PDE4B: variants seen among roughly 807,000 people sequenced by gnomAD.
PDE4B encodes the protein 3',5'-cyclic-AMP phosphodiesterase 4B.
PDE4B carries 20 observed loss-of-function variants against 82.2 expected under a neutral mutation model. The ratio of observed to expected loss-of-function variants is 0.24; its 90% CI spans 0.17 to 0.35. The LOEUF is 0.35. Among genes scored for constraint, PDE4B ranks in the 10% least tolerant of loss-of-function variants. The pLI is 1.00. For synonymous variants in PDE4B, 320 were observed against 318.9 expected, an observed-to-expected ratio of 1.00 and a Z score of -0.04; for missense variants, 655 against 907.2, an observed-to-expected ratio of 0.72 and a Z score of 3.57.
At chr1:66,275,518 G>A (rs970668194) in intron 7 of PDE4B, among the ~76,000 whole-genome samples, 1 of 152,186 alleles carries the variant, frequency 6.6e-6, no homozygotes, top group African/African-American at 2.4e-5. Flanking sequence ...CTCTTTATTG[G>A]AAGGGAGGGA....
intron 7 of PDE4B, among the ~76,000 whole-genome samples, chr1:66,287,128 A>G (rs940959590): frequency 6.6e-6 from 1 of 152,170 alleles, no homozygotes; most frequent in African/African-American, 2.4e-5. Context: ...ACACATTTAC[A>G]TATTAACTAA....
chr1:66,345,755 T>C (rs896195692), intron 8 of PDE4B, among the ~76,000 whole-genome samples: 4 of 152,158 alleles, frequency 2.6e-5, no homozygotes, highest in African/African-American at 9.7e-5. Flanking sequence ...CCATGCCTAA[T>C]TCCAGCTTTC....
chr1:66,141,327 AATATATATATATATATATATATAT>A (rs71058454), intron 3 of PDE4B, among the ~76,000 whole-genome samples: 45 of 91,456 alleles, frequency 4.9e-4, no homozygotes, highest in South Asian at 2.6e-3. Context: ...AAGCTTTGAG[AATATATATATATATATATATATAT>A]ATATATATAT....
intron 3 of PDE4B, among the ~76,000 whole-genome samples, chr1:66,027,261 T>A (rs1653495293): frequency 6.6e-6 from 1 of 151,622 alleles, no homozygotes; most frequent in South Asian, 2.1e-4. Flanking sequence ...AAGAGAAAAA[T>A]GAGGAAGAAG....
chr1:65,966,281 G>A (rs1280333253), intron 3 of PDE4B, among the ~76,000 whole-genome samples: 2 of 152,108 alleles, frequency 1.3e-5, no homozygotes, highest in Non-Finnish European at 2.9e-5. Context: ...CAAATCATGA[G>A]TGAACTCCCA....
chr1:66,329,794 T>C (rs1659982993), intron 7 of PDE4B, among the ~76,000 whole-genome samples: 1 of 152,230 alleles, frequency 6.6e-6, no homozygotes, highest in African/African-American at 2.4e-5. Flanking sequence ...CAGTAAGTGG[T>C]AGAAGAGAAA....
Position 66,361,753 on chromosome 1 carries a change from G to C in PDE4B, c.980G>C (p.Arg327Pro). The change falls in exon 10 of 17, where the codon CGC becomes CCC. Residue 327 changes from arginine (R) to proline (P), a missense_variant. By Grantham distance (103) the Arg-to-Pro change is moderately radical. Transcript: ENST00000341517. ...AGCCTAAACAATACAAGCATCTCACGCTTTGGAGTCAACACTGAAAATGAA... is the reference window on the plus strand; with the variant it reads ...AGCCTAAACAATACAAGCATCTCACCCTTTGGAGTCAACACTGAAAATGAA... ...SSSLNNTSIS[R>P]FGVNTENEDH... The C allele has an allele frequency of 1.2e-6, 2 of 1,613,030 alleles. No homozygotes were observed. Among genetic ancestry groups the C allele is most frequent in the Non-Finnish European group, 1.7e-6 (2 of 1,179,306 alleles).
At position 66,118,940 on chromosome 1, in the gene PDE4B, G is replaced by T. The variant is rs142661317; in HGVS notation, c.282-128520G>T. ...TTACCGCTTTGAAGAAGCCTTCCTG[G>T]ATTCTCACAGGAACAGCTAATGTCA... On this transcript the variant is annotated intron_variant, in intron 3 of 16. Transcript: ENST00000341517. Among the ~76,000 whole-genome samples, 4 of 151,890 alleles carry T rather than the reference G, an allele frequency of 2.6e-5. No homozygotes were observed. The East Asian group carries it at 7.8e-4, about 29-fold the overall frequency.
intron 3 of PDE4B, among the ~76,000 whole-genome samples, chr1:65,919,137 C>A (rs538059288): frequency 6.6e-6 from 1 of 152,120 alleles, no homozygotes; most frequent in African/African-American, 2.4e-5. Flanking sequence ...TTAAAAAGAG[C>A]TATACAGTGT....
At chr1:65,996,791 G>A (rs909812882) in intron 3 of PDE4B, among the ~76,000 whole-genome samples, 13 of 152,156 alleles carry the variant, frequency 8.5e-5, no homozygotes, top group African/African-American at 2.4e-4. Context: ...TTTGTTAGAC[G>A]ATATGAGAAA....
chr1:65,811,732 A>G (rs1195710545), intron 1 of PDE4B, among the ~76,000 whole-genome samples: 1 of 152,190 alleles, frequency 6.6e-6, no homozygotes, highest in Non-Finnish European at 1.5e-5. Context: ...CATGATAGCT[A>G]CTAGTAATAC....
At chr1:66,283,887 GAGAA>G (rs1656473783) in intron 7 of PDE4B, among the ~76,000 whole-genome samples, 1 of 152,114 alleles carries the variant, frequency 6.6e-6, no homozygotes, top group Admixed American at 6.6e-5. Context: ...GAGAGAGCGA[GAGAA>G]AGAGAGAGAG....
At chr1:66,299,269 C>G (rs558325) in intron 7 of PDE4B, among the ~76,000 whole-genome samples, 26,666 of 152,014 alleles carry the variant, frequency 0.18, 4,571 homozygotes, top group African/African-American at 0.43. Flanking sequence ...TAATTCTACT[C>G]TCTATTATGA....
chr1:66,120,290 C>G (rs1230970405), intron 3 of PDE4B, among the ~76,000 whole-genome samples: 2 of 152,134 alleles, frequency 1.3e-5, no homozygotes, highest in African/African-American at 4.8e-5. Flanking sequence ...GTCTTTGATT[C>G]CTTGACCTAG....
At chr1:66,175,712 C>T (rs1646919141) in intron 3 of PDE4B, among the ~76,000 whole-genome samples, 1 of 152,154 alleles carries the variant, frequency 6.6e-6, no homozygotes, top group Non-Finnish European at 1.5e-5. Context: ...ATGTATGTAA[C>T]ATTTGAAGAA....
At chr1:66,130,871 T>C (rs1277538487) in intron 3 of PDE4B, among the ~76,000 whole-genome samples, 1 of 152,212 alleles carries the variant, frequency 6.6e-6, no homozygotes, top group Non-Finnish European at 1.5e-5. Context: ...CAAATAAATC[T>C]GTAGCACACA....
At chr1:66,167,973 A>G (rs1646768661) in intron 3 of PDE4B, among the ~76,000 whole-genome samples, 1 of 152,192 alleles carries the variant, frequency 6.6e-6, no homozygotes, top group African/African-American at 2.4e-5. Flanking sequence ...CCTTCTCAAA[A>G]ATTATATTAC....
intron 4 of PDE4B, among the ~76,000 whole-genome samples, chr1:66,248,879 A>G (rs966899867): frequency 5.3e-5 from 8 of 152,232 alleles, no homozygotes; most frequent in Non-Finnish European, 1.2e-4. Flanking sequence ...ATCTCTGTTA[A>G]TCTGTCAGGT....
chr1:66,079,795 T>C (rs1656630148), intron 3 of PDE4B, among the ~76,000 whole-genome samples: 1 of 152,082 alleles, frequency 6.6e-6, no homozygotes, highest in African/African-American at 2.4e-5. Context: ...TAAAATGAAG[T>C]ATGTGAGAAC....
Sources: allele counts gnomAD v4.1 joint callset (sites outside exome capture counted in the v4.1 genomes callset), GRCh38; gene constraint gnomAD v4.1.1; transcripts MANE v1.5; gene names NCBI Gene and HGNC (gene_info 2026-07-23, HGNC 2026-07-21).